Variants in ENOX1 observed in about 807,000 individuals in gnomAD.
The protein encoded by ENOX1 is ecto-NOX disulfide-thiol exchanger 1, also known as candidate growth-related and time keeping constitutive hydroquinone (NADH) oxidase.
ENOX1 carries 42 observed loss-of-function variants against 82.5 expected under a neutral mutation model. The ratio of observed to expected loss-of-function variants is 0.51; its 90% CI spans 0.40 to 0.66. The LOEUF (loss-of-function observed/expected upper bound fraction) is 0.66. Ranked by LOEUF, ENOX1 falls within the 30% of genes least tolerant of loss-of-function variation. The pLI is 0.00. For synonymous variants in ENOX1, 271 were observed against 282.2 expected, an observed-to-expected ratio of 0.96 and a Z score of 0.40; for missense variants, 608 against 811.6, an observed-to-expected ratio of 0.75 and a Z score of 3.05.
At chr13:43,409,931 C>A (rs151096002) in intron 5 of ENOX1, among the ~76,000 whole-genome samples, 1 of 152,140 alleles carries the variant, frequency 6.6e-6, no homozygotes, top group African/African-American at 2.4e-5. Context: ...ATTATCAGGC[C>A]GTGTAAATGA....
intron 2 of ENOX1, among the ~76,000 whole-genome samples, chr13:43,625,482 G>A (rs2082924286): frequency 6.6e-6 from 1 of 151,812 alleles, no homozygotes; most frequent in Non-Finnish European, 1.5e-5. Flanking sequence ...TTTTGTTTTT[G>A]TAGACTGTCA....
chr13:43,666,899 G>A (rs1310383333), intron 2 of ENOX1, among the ~76,000 whole-genome samples: 1 of 152,104 alleles, frequency 6.6e-6, no homozygotes, highest in Non-Finnish European at 1.5e-5. Flanking sequence ...GAAAAAGATA[G>A]CTCATATCCT....
chr13:43,620,232 G>C (rs2082664822), intron 2 of ENOX1, among the ~76,000 whole-genome samples: 1 of 149,952 alleles, frequency 6.7e-6, no homozygotes, highest in Non-Finnish European at 1.5e-5. Context: ...ATATTTTTTT[G>C]GTTTCTATTT....
chr13:43,416,293 A>G (rs9567181), intron 3 of ENOX1, among the ~76,000 whole-genome samples: 821 of 45,392 alleles, frequency 0.018, no homozygotes, highest in Non-Finnish European at 0.027. Flanking sequence ...CCGGGCAGAG[A>G]TGCTCCCCAC....
At chr13:43,425,671 A>G (rs1307118967) in intron 3 of ENOX1, among the ~76,000 whole-genome samples, 21 of 152,216 alleles carry the variant, frequency 1.4e-4, no homozygotes, top group African/African-American at 2.4e-5. Context: ...TAAGGTCTAC[A>G]ATAATGATGA....
intron 2 of ENOX1, among the ~76,000 whole-genome samples, chr13:43,498,732 CCACTCATTTAACAAGGAGCAGGA>C (rs1383656743): frequency 6.6e-6 from 1 of 151,970 alleles, no homozygotes; most frequent in African/African-American, 2.4e-5. Context: ...TGGCCAAAAG[CCACTCATTTAACAAGGAGCAGGA>C]CAGTTAAAAT....
At chr13:43,536,253 A>G (rs1472759038) in intron 2 of ENOX1, among the ~76,000 whole-genome samples, 1 of 152,230 alleles carries the variant, frequency 6.6e-6, no homozygotes. Flanking sequence ...GGTATGTCCC[A>G]AACAAGCCAA....
chr13:43,542,458 GAC>G (rs1438607320), intron 2 of ENOX1, among the ~76,000 whole-genome samples: 1 of 111,872 alleles, frequency 8.9e-6, no homozygotes, highest in Non-Finnish European at 1.8e-5. Flanking sequence ...TTTCTAATGA[GAC>G]AGTCTCACTC....
intron 5 of ENOX1, among the ~76,000 whole-genome samples, chr13:43,401,474 CTGAGGT>C (rs2053492102): frequency 6.6e-6 from 1 of 152,154 alleles, no homozygotes; most frequent in Non-Finnish European, 1.5e-5. Flanking sequence ...AGAACAGAGC[CTGAGGT>C]CTGTCTGAAT....
At chr13:43,611,319 G>A (rs1305086224) in intron 2 of ENOX1, among the ~76,000 whole-genome samples, 1 of 152,116 alleles carries the variant, frequency 6.6e-6, no homozygotes, top group African/African-American at 2.4e-5. Context: ...CAATCCTTTG[G>A]TGTACATATT....
intron 2 of ENOX1, among the ~76,000 whole-genome samples, chr13:43,576,677 G>A (rs2080440090): frequency 6.6e-6 from 1 of 152,134 alleles, no homozygotes; most frequent in African/African-American, 2.4e-5. Flanking sequence ...ATAAATTTAG[G>A]TTGTCTTAAG....
intron 8 of ENOX1, among the ~76,000 whole-genome samples, chr13:43,349,019 T>C (rs1036164015): frequency 6.6e-6 from 1 of 152,232 alleles, no homozygotes; most frequent in African/African-American, 2.4e-5. Context: ...TCTTGGAATG[T>C]ATCCCCCAAA....
At chr13:43,282,484 G>C (rs1267532773) in intron 12 of ENOX1, among the ~76,000 whole-genome samples, 1 of 147,846 alleles carries the variant, frequency 6.8e-6, no homozygotes, top group Non-Finnish European at 1.5e-5. Context: ...GTCTTGCTCT[G>C]TTGCCCAGGC....
chr13:43,412,586 C>A (rs564102617), intron 4 of ENOX1, among the ~76,000 whole-genome samples: 1 of 152,288 alleles, frequency 6.6e-6, no homozygotes, highest in African/African-American at 2.4e-5. Flanking sequence ...GTCTACCTAA[C>A]GTGACTTTTC....
At chr13:43,564,494 A>T (rs1198467825) in intron 2 of ENOX1, among the ~76,000 whole-genome samples, 1 of 152,154 alleles carries the variant, frequency 6.6e-6, no homozygotes, top group East Asian at 1.9e-4. Context: ...GGAGGCCTAA[A>T]ATAAACAAAA....
At chr13:43,434,480 G>A (rs1448824136) in intron 3 of ENOX1, among the ~76,000 whole-genome samples, 1 of 152,006 alleles carries the variant, frequency 6.6e-6, no homozygotes, top group African/African-American at 2.4e-5. Flanking sequence ...CTCATATAAA[G>A]GCCCACCTCC....
At chr13:43,447,309 G>C (rs2056703120) in intron 3 of ENOX1, among the ~76,000 whole-genome samples, 1 of 152,206 alleles carries the variant, frequency 6.6e-6, no homozygotes, top group Non-Finnish European at 1.5e-5. Context: ...AGAAAAGTAT[G>C]TCGATGTCAC....
At chr13:43,743,170 T>C (rs1594652649) in intron 1 of ENOX1, among the ~76,000 whole-genome samples, 1 of 152,282 alleles carries the variant, frequency 6.6e-6, no homozygotes, top group South Asian at 2.1e-4. Flanking sequence ...AAGTTGTTTT[T>C]AGAGAAGCCC....
intron 3 of ENOX1, among the ~76,000 whole-genome samples, chr13:43,470,385 TAC>T (rs1372756094): frequency 0.06 from 5,735 of 96,194 alleles, 1,013 homozygotes; most frequent in African/African-American, 0.15. Flanking sequence ...TACATATATA[TAC>T]GTATATATAT....
Sources: allele counts gnomAD v4.1 joint callset (sites outside exome capture counted in the v4.1 genomes callset), GRCh38; gene constraint gnomAD v4.1.1; transcripts MANE v1.5; gene names NCBI Gene and HGNC (gene_info 2026-07-23, HGNC 2026-07-21).